Variants in GABRG3 observed in about 807,000 individuals in gnomAD.
GABRG3 encodes gamma-aminobutyric acid receptor subunit gamma-3.
GABRG3 carries 25 observed loss-of-function variants against 48.8 expected under a neutral mutation model. The ratio of observed to expected loss-of-function variants is 0.51; its 90% CI spans 0.37 to 0.72. The LOEUF (loss-of-function observed/expected upper bound fraction) is 0.72. Ranked by LOEUF, GABRG3 falls within the 30% of genes least tolerant of loss-of-function variation. The pLI, the probability that GABRG3 is intolerant of heterozygous loss-of-function variation, is 0.00. For missense variants in GABRG3, 394 were observed against 577.9 expected (o/e 0.68, Z 3.26); for synonymous variants, 227 against 217.6 (o/e 1.04, Z -0.38).
At chr15:27,490,603 G>A (rs752513473) in intron 6 of GABRG3, among the ~76,000 whole-genome samples, 2 of 152,090 alleles carry the variant, frequency 1.3e-5, no homozygotes, top group African/African-American at 2.4e-5. Context: ...ACCTGGGTGC[G>A]TTTCCTCTTT....
intron 2 of GABRG3, among the ~76,000 whole-genome samples, chr15:27,002,289 C>T (rs1347748271): frequency 6.6e-6 from 1 of 152,184 alleles, no homozygotes; most frequent in Non-Finnish European, 1.5e-5. Flanking sequence ...GGGGATTTTC[C>T]AGTGTTGTCC....
intron 7 of GABRG3, among the ~76,000 whole-genome samples, chr15:27,525,201 C>A (rs1891245830): frequency 6.6e-6 from 1 of 150,416 alleles, no homozygotes; most frequent in Non-Finnish European, 1.5e-5. Flanking sequence ...AAGCCAATAT[C>A]AAAATGTGTT....
chr15:27,015,176 C>G (rs982814048), intron 2 of GABRG3, among the ~76,000 whole-genome samples: 2 of 152,042 alleles, frequency 1.3e-5, no homozygotes, highest in African/African-American at 4.8e-5. Flanking sequence ...TAAAGTGAGT[C>G]TCTTATAGAC....
intron 3 of GABRG3, among the ~76,000 whole-genome samples, chr15:27,034,459 C>T (rs931725321): frequency 1.3e-5 from 2 of 152,140 alleles, no homozygotes; most frequent in African/African-American, 4.8e-5. Flanking sequence ...TGTTTCATCA[C>T]TGGAAGAATA....
intron 3 of GABRG3, among the ~76,000 whole-genome samples, chr15:27,309,586 G>A (rs28393001): frequency 0.59 from 89,443 of 151,760 alleles, 27,315 homozygotes; most frequent in African/African-American, 0.67. Context: ...ATTCTTAGCT[G>A]TTAGGGAAAT....
At chr15:27,159,438 C>T (rs1224455734) in intron 3 of GABRG3, among the ~76,000 whole-genome samples, 6 of 151,694 alleles carry the variant, frequency 4.0e-5, no homozygotes, top group African/African-American at 7.3e-5. Flanking sequence ...TCCGAGATTG[C>T]GCCACTGCAC....
At chr15:27,023,565 G>T (rs956694927) in intron 2 of GABRG3, among the ~76,000 whole-genome samples, 3 of 152,206 alleles carry the variant, frequency 2.0e-5, no homozygotes, top group African/African-American at 7.2e-5. Context: ...CATAGTATTT[G>T]CTCTTTTGTG....
Position 27,447,367 on chromosome 15 carries a change from G to A in GABRG3, c.575-33283G>A, listed in dbSNP as rs553733288. ...AGGCCTGGTGGCCTCGCTTAGCAAG[G>A]GGACATTTATGCTATGGGAAATGGG... On this transcript the variant is annotated intron_variant, in intron 5 of 9. Transcript: ENST00000615808. This position sits in a 1 kb window ranked among gnomAD's most constrained non-coding sequence, Gnocchi z 4.0. Among the ~76,000 whole-genome samples, 10 of 152,296 alleles carry A rather than the reference G, an allele frequency of 6.6e-5. No homozygotes were observed. The South Asian group carries it at 1.9e-3, about 28-fold the overall frequency.
At position 27,166,675 on chromosome 15, in the gene GABRG3, G is replaced by T. The variant is rs562777194; in HGVS notation, c.270+139854G>T. ...CTTCCCGCAAGGAACTGGGATTGGG[G>T]TGGCAAAGCAAACAGCTCCTGCTGT... is the stretch of plus-strand genomic sequence containing the variant. On this transcript the variant is annotated intron_variant, in intron 3 of 9. Coordinates refer to ENST00000615808, the MANE Select transcript of GABRG3 (RefSeq NM_033223.5). Among the ~76,000 whole-genome samples the T allele has an allele frequency of 3.9e-5, 6 of 152,254 alleles. No homozygotes were observed. The East Asian group carries it at 1.2e-3, about 29-fold the overall frequency.
chr15:27,170,773 C>T (rs1887542596), intron 3 of GABRG3, among the ~76,000 whole-genome samples: 1 of 152,070 alleles, frequency 6.6e-6, no homozygotes, highest in Non-Finnish European at 1.5e-5. Context: ...AAGATGTGGG[C>T]AAGAAATATA....
intron 3 of GABRG3, among the ~76,000 whole-genome samples, chr15:27,206,499 C>T (rs1026061163): frequency 6.6e-6 from 1 of 152,008 alleles, no homozygotes; most frequent in African/African-American, 2.4e-5. Flanking sequence ...GAGTATGTGG[C>T]GTGTGCATAT....
At chr15:27,037,996 G>A (rs7494878) in intron 3 of GABRG3, among the ~76,000 whole-genome samples, 17,390 of 152,056 alleles carry the variant, frequency 0.11, 1,562 homozygotes, top group East Asian at 0.41. Context: ...GCTCTGGCCA[G>A]CAGATGCAGG....
intron 3 of GABRG3, among the ~76,000 whole-genome samples, chr15:27,210,505 C>T (rs576421991): frequency 7.9e-5 from 12 of 152,330 alleles, no homozygotes; most frequent in East Asian, 1.9e-4. Flanking sequence ...CATGCACACA[C>T]GCGTGCTCAC....
At chr15:27,149,417 TGATCTA>T (rs764641530) in intron 3 of GABRG3, among the ~76,000 whole-genome samples, 10 of 151,580 alleles carry the variant, frequency 6.6e-5, no homozygotes, top group Admixed American at 3.3e-4. Context: ...AGCTCCAAAT[TGATCTA>T]GATTCAGTAG....
At chr15:27,442,396 C>A (rs938446616) in intron 5 of GABRG3, among the ~76,000 whole-genome samples, 3 of 152,210 alleles carry the variant, frequency 2.0e-5, no homozygotes, top group Non-Finnish European at 4.4e-5. Context: ...GGCTGAGAGA[C>A]GGACCAAAGG....
chr15:27,017,206 A>G (rs1895794554), intron 2 of GABRG3, among the ~76,000 whole-genome samples: 1 of 152,182 alleles, frequency 6.6e-6, no homozygotes, highest in South Asian at 2.1e-4. Context: ...CAGAGACTCT[A>G]GAGACCTCTA....
intron 5 of GABRG3, among the ~76,000 whole-genome samples, chr15:27,360,846 T>C (rs1328492303): frequency 6.6e-6 from 1 of 152,158 alleles, no homozygotes; most frequent in Non-Finnish European, 1.5e-5. Context: ...CTGATGAGTT[T>C]GTGGGATGCT....
At chr15:27,491,490 T>C (rs886824181) in intron 6 of GABRG3, among the ~76,000 whole-genome samples, 1 of 152,206 alleles carries the variant, frequency 6.6e-6, no homozygotes, top group Non-Finnish European at 1.5e-5. Flanking sequence ...TGTGTCATCA[T>C]ACAGAAACCA....
rs562359909 is a variant in GABRG3, at chr15:27,300,879, A to G, written c.271-25930A>G. Among the ~76,000 whole-genome samples, 12 of 152,234 alleles carry G rather than the reference A, an allele frequency of 7.9e-5. No homozygotes were observed. In the South Asian group the frequency reaches 8.3e-4, roughly 11 times the overall value. On this transcript the variant is annotated intron_variant, in intron 3 of 9. Coordinates refer to ENST00000615808, the MANE Select transcript of GABRG3 (RefSeq NM_033223.5). ...CTACTGGGGAGACTGAGGCAGGAGAATTGCTTGAACCTGGGAGATGGAGGT... is the reference window on the plus strand; with the variant it reads ...CTACTGGGGAGACTGAGGCAGGAGAGTTGCTTGAACCTGGGAGATGGAGGT...
Sources: allele counts gnomAD v4.1 joint callset (sites outside exome capture counted in the v4.1 genomes callset), GRCh38; gene constraint gnomAD v4.1.1; non-coding constraint Gnocchi (gnomAD v3.1); transcripts MANE v1.5; gene names NCBI Gene and HGNC (gene_info 2026-07-23, HGNC 2026-07-21).